AP2A2: variants seen among roughly 807,000 people sequenced by gnomAD.
AP2A2 encodes adaptor related protein complex 2 subunit alpha 2.
In AP2A2, 32 loss-of-function variants were observed where a neutral mutation model predicts 104.2. The ratio of observed to expected loss-of-function variants is 0.31; its 90% CI spans 0.23 to 0.41. AP2A2 has a LOEUF of 0.41. Among genes scored for constraint, AP2A2 ranks in the 10% least tolerant of loss-of-function variants. The probability of loss-of-function intolerance (pLI) is 1.00; values close to 1 mark genes in which losing one functional copy is unlikely to be tolerated. For synonymous variants in AP2A2, 539 were observed against 533.3 expected (o/e 1.01, Z -0.15); for missense variants, 912 against 1,261.0 (o/e 0.72, Z 4.19).
At chr11:950,526 A>G (rs1445020036) in intron 1 of AP2A2, among the ~76,000 whole-genome samples, 2 of 151,884 alleles carry the variant, frequency 1.3e-5, no homozygotes, top group African/African-American at 4.8e-5. Context: ...GCCAAACGCC[A>G]TTCGCTTGCC....
chr11:1,011,175 T>C lies in AP2A2; in HGVS notation c.*550T>C, dbSNP rs1279848468. 1 of 528,356 alleles carries C rather than the reference T, an allele frequency of 1.9e-6. No homozygotes were observed. Among genetic ancestry groups the C allele is most frequent in the Admixed American group, 1.9e-5 (1 of 51,836 alleles). 32.7% of individuals were successfully genotyped at this position (528,356 alleles called of 1,614,324 possible). A position where few individuals can be genotyped will look rare whatever the true frequency, so the allele number is the denominator to read the frequency against. ...GATTTTAATCTAGAATTTAGAAACATTTGTATTTGTAATGACTTCTGGCAA... is the reference window on the plus strand; with the variant it reads ...GATTTTAATCTAGAATTTAGAAACACTTGTATTTGTAATGACTTCTGGCAA... On this transcript the variant is annotated 3_prime_UTR_variant, in exon 22 of 22. Coordinates refer to ENST00000448903, the MANE Select transcript of AP2A2 (RefSeq NM_012305.4).
chr11:926,669 G>T (rs1311382872), intron 1 of AP2A2, among the ~76,000 whole-genome samples: 1 of 152,198 alleles, frequency 6.6e-6, no homozygotes, highest in African/African-American at 2.4e-5. Context: ...GGTTCTGGAG[G>T]CTTATTAACC....
intron 15 of AP2A2, among the ~76,000 whole-genome samples, chr11:1,002,273 C>T (rs528698903): frequency 6.6e-6 from 1 of 152,244 alleles, no homozygotes; most frequent in Non-Finnish European, 1.5e-5. Flanking sequence ...GGCGGAGCAG[C>T]GACCCGGGGG....
Position 1,009,343 on chromosome 11 carries a change from G to A in AP2A2, c.2553G>A (p.Val851=). The part of the protein sequence containing the change: ...WKQLSNPQQE[V]QNIFKAKHPM... ...TTTCTCACAGTCCACAGCAGGAAGT[G>A]CAGAACATCTTCAAAGCAAAGCACC... The change falls in exon 20 of 22, where the codon GTG becomes GTA. Residue 851 remains valine, a synonymous_variant. Coordinates refer to ENST00000448903, the MANE Select transcript of AP2A2 (RefSeq NM_012305.4). 1 of 1,613,740 alleles carries A rather than the reference G, an allele frequency of 6.2e-7. No individual in the cohort carries two copies. The highest frequency in any genetic ancestry group is 1.3e-5 in the African/African-American group (1 of 75,056).
At chr11:964,261 T>C (rs1229339167) in intron 2 of AP2A2, among the ~76,000 whole-genome samples, 3 of 152,168 alleles carry the variant, frequency 2.0e-5, no homozygotes, top group Non-Finnish European at 4.4e-5. Flanking sequence ...CCAACAAAAA[T>C]ACCTTTCAAC....
intron 20 of AP2A2, 129 bp from the exon 21 acceptor site, chr11:1,009,538 CGCGACCCAGCGCCAGG>C: frequency 7.6e-7 from 1 of 1,318,234 alleles, no homozygotes; most frequent in Non-Finnish European, 1.0e-6. Flanking sequence ...ACACGCAGCC[CGCGACCCAGCGCCAGG>C]GTCTGGAGGG....
At chr11:949,512 C>G (rs1157455463) in intron 1 of AP2A2, among the ~76,000 whole-genome samples, 6 of 152,172 alleles carry the variant, frequency 3.9e-5, no homozygotes, top group Non-Finnish European at 7.4e-5. Context: ...AGTGGTGGCT[C>G]ACACCTGTAA....
At chr11:991,441 A>T (rs1267430151) in intron 10 of AP2A2, among the ~76,000 whole-genome samples, 1 of 151,680 alleles carries the variant, frequency 6.6e-6, no homozygotes, top group Admixed American at 6.6e-5. Flanking sequence ...TGGTCTGGAG[A>T]GGATGATGGT....
chr11:994,894 G>A (rs1281112082), intron 14 of AP2A2, among the ~76,000 whole-genome samples: 1 of 130,398 alleles, frequency 7.7e-6, no homozygotes, highest in African/African-American at 2.9e-5. Context: ...GGGGGCCACT[G>A]TCCCTGCTGG....
At chr11:943,930 G>A (rs1410030258) in intron 1 of AP2A2, among the ~76,000 whole-genome samples, 3 of 139,132 alleles carry the variant, frequency 2.2e-5, no homozygotes, top group Non-Finnish European at 3.1e-5. Context: ...AGAGAGTCCC[G>A]ACCGGAGACG....
At chr11:940,882 C>A (rs1259357964) in intron 1 of AP2A2, 2 of 456,096 alleles carry the variant, frequency 4.4e-6, no homozygotes, top group African/African-American at 4.0e-5. Flanking sequence ...TCTCGACTCT[C>A]TTCTCTTGCT....
At chr11:987,910 T>G (rs1460857579) in intron 9 of AP2A2, among the ~76,000 whole-genome samples, 1 of 152,222 alleles carries the variant, frequency 6.6e-6, no homozygotes, top group Non-Finnish European at 1.5e-5. Context: ...AGCTCACAGA[T>G]ATTCCGGGTG....
intron 6 of AP2A2, among the ~76,000 whole-genome samples, chr11:981,989 G>A (rs923799548): frequency 6.6e-6 from 1 of 152,280 alleles, no homozygotes; most frequent in South Asian, 2.1e-4. Context: ...GGCGCGGCAC[G>A]CGTAGTGCTA....
intron 2 of AP2A2, among the ~76,000 whole-genome samples, chr11:960,331 C>CT (rs762580274): frequency 3.3e-5 from 5 of 152,154 alleles, no homozygotes; most frequent in Non-Finnish European, 7.4e-5. Flanking sequence ...CAACCTCCGC[C>CT]TTCCAGGTTC....
intron 1 of AP2A2, among the ~76,000 whole-genome samples, chr11:943,514 T>A (rs1377252508): frequency 6.6e-6 from 1 of 152,234 alleles, no homozygotes; most frequent in Non-Finnish European, 1.5e-5. Flanking sequence ...TTTTAGTTTT[T>A]GCTTCTTCTT....
chr11:988,621 G>T lies in AP2A2; in HGVS notation c.1201G>T (p.Ala401Ser). The part of the protein sequence containing the change: ...LLYAMCDRSN[A>S]PQIVAEMLSY... ...CTACGCCATGTGCGACCGCAGCAAC[G>T]CCCCACAGATCGTGGCCGAGATGCT... Residue 401 changes from alanine to serine, a missense_variant, in exon 10 of 22, where the codon GCC (alanine) becomes TCC (serine). Coordinates refer to ENST00000448903, the MANE Select transcript of AP2A2 (RefSeq NM_012305.4). 6 of 1,613,602 alleles carry T rather than the reference G, an allele frequency of 3.7e-6. No homozygotes were observed. Among genetic ancestry groups the T allele is most frequent in the Non-Finnish European group, 5.1e-6 (6 of 1,179,890 alleles).
chr11:999,803 C>CTTTTTT (rs71022992), intron 14 of AP2A2, among the ~76,000 whole-genome samples: 2 of 124,696 alleles, frequency 1.6e-5, no homozygotes, highest in Admixed American at 8.7e-5. Context: ...TTAGTTCTTT[C>CTTTTTT]TTTTTTTTTT....
rs984371471 is a variant in AP2A2 at position 955,897 on chromosome 11, C to A, written c.68-3540C>A. Among the ~76,000 whole-genome samples, 6 of 152,342 alleles carry A rather than the reference C, an allele frequency of 3.9e-5. No homozygotes were observed. In the South Asian group the frequency reaches 6.2e-4, roughly 16 times the overall value. On this transcript the variant is annotated intron_variant, in intron 1 of 21. Transcript: ENST00000448903. ...AGGGGTGAGCTCTTTGTCCTCTGAT[C>A]TGTGCACACCAGGCCTGGCGGGGCC... is the stretch of plus-strand genomic sequence containing the variant.
intron 2 of AP2A2, among the ~76,000 whole-genome samples, chr11:969,647 G>A (rs184478723): frequency 7.7e-4 from 118 of 152,320 alleles, no homozygotes; most frequent in Admixed American, 2.5e-3. Context: ...CTGCGATGAG[G>A]CAGAGAAACA....
Sources: allele counts gnomAD v4.1 joint callset (sites outside exome capture counted in the v4.1 genomes callset), GRCh38; gene constraint gnomAD v4.1.1; transcripts MANE v1.5; gene names NCBI Gene and HGNC (gene_info 2026-07-23, HGNC 2026-07-21).